Variants in APBB2 observed in about 807,000 individuals in gnomAD.
The protein encoded by APBB2 is amyloid beta precursor protein binding family B member 2.
APBB2 carries 38 observed loss-of-function variants against 82.5 expected under a neutral mutation model. The ratio of observed to expected loss-of-function variants is 0.46; its 90% confidence interval spans 0.36 to 0.60. The LOEUF is 0.60. APBB2 is among the 20% of genes least tolerant of loss of function. APBB2 has a pLI of 0.00. For synonymous variants in APBB2, 341 were observed against 368.2 expected (o/e 0.93, Z 0.85); for missense variants, 772 against 972.3 (o/e 0.79, Z 2.74).
At position 41,067,894 on chromosome 4, in the gene APBB2, C is replaced by T. The variant is rs115740527; in HGVS notation, c.-148-2221G>A. Among the ~76,000 whole-genome samples, 370 of 152,210 alleles carry T rather than the reference C, an allele frequency of 2.4e-3. 4 individuals carry two copies. Among genetic ancestry groups the T allele is most frequent in the African/African-American group, 8.6e-3 (356 of 41,528 alleles). On this transcript the variant is annotated intron_variant, in intron 3 of 17. Coordinates refer to ENST00000508593, the MANE Select transcript of APBB2 (RefSeq NM_004307.2). The stretch of plus-strand genomic sequence containing the variant: ...CGTGGCTGCTGGAAGAGACTAAGTG[C>T]TCACAGCGCATGGCTACAGGCTGAA...
At chr4:40,962,967 T>G (rs1793684520) in intron 6 of APBB2, among the ~76,000 whole-genome samples, 4 of 152,256 alleles carry the variant, frequency 2.6e-5, no homozygotes, top group Admixed American at 2.6e-4. Context: ...GTTAGAGGTT[T>G]CTTATCTGCA....
At chr4:40,973,584 C>T (rs1224243575) in intron 6 of APBB2, among the ~76,000 whole-genome samples, 1 of 152,214 alleles carries the variant, frequency 6.6e-6, no homozygotes, top group Admixed American at 6.5e-5. Context: ...CAAAGTATCA[C>T]AAACTGAGTG....
chr4:40,813,161 C>T lies in APBB2; in HGVS notation c.*2931G>A, dbSNP rs1744757356. Reference sequence around the variant, plus strand: ...ACATATCCCAATAGAAATGTGACTACAAATCATTACAAAACCACTTTTTAG... The same window carrying T: ...ACATATCCCAATAGAAATGTGACTATAAATCATTACAAAACCACTTTTTAG... On this transcript the variant is annotated 3_prime_UTR_variant, in exon 18 of 18. Transcript: ENST00000508593. 1.3e-5 allele frequency: 2 copies of T among 152,200 alleles called. No individual in the cohort carries two copies. The highest frequency in any genetic ancestry group is 2.9e-5 in the Non-Finnish European group (2 of 68,020). The allele number at this position is 152,200 out of a possible 1,614,324, so 9.4% of individuals were successfully genotyped here. A position where few individuals can be genotyped will look rare whatever the true frequency, so the allele number is the denominator to read the frequency against.
At chr4:40,909,167 T>C (rs1261386694) in intron 10 of APBB2, among the ~76,000 whole-genome samples, 2 of 152,210 alleles carry the variant, frequency 1.3e-5, no homozygotes, top group East Asian at 3.8e-4. Flanking sequence ...GCAATCACCA[T>C]TATTTGCAAT....
chr4:41,099,374 A>G (rs879153839), intron 3 of APBB2, among the ~76,000 whole-genome samples: 3 of 152,086 alleles, frequency 2.0e-5, no homozygotes, highest in Admixed American at 2.0e-4. Flanking sequence ...GATTACAGGC[A>G]TGCACCACCA....
intron 12 of APBB2, among the ~76,000 whole-genome samples, chr4:40,878,075 G>A (rs1767380093): frequency 6.7e-6 from 1 of 148,424 alleles, no homozygotes; most frequent in South Asian, 2.1e-4. Context: ...GGCCGGACTC[G>A]GTGGCTCACG....
chr4:41,182,213 A>G (rs4600955), intron 1 of APBB2, among the ~76,000 whole-genome samples: 64,183 of 151,994 alleles, frequency 0.42, 14,896 homozygotes, highest in African/African-American at 0.63. Context: ...TCCTCCCATT[A>G]AGCTCACTCC....
Position 40,928,592 on chromosome 4 carries a change from TA to T in APBB2, c.1254+5863del, listed in dbSNP as rs1478994847. Among the ~76,000 whole-genome samples, 15 of 140,582 alleles carry T rather than the reference TA, an allele frequency of 1.1e-4. No individual in the cohort carries two copies. The South Asian group carries it at 3.0e-3, about 28-fold the overall frequency. The allele number at this position is 140,582 out of a possible 152,430, so 92.2% of individuals were successfully genotyped here. On this transcript the variant is annotated intron_variant, in intron 10 of 17. Coordinates refer to ENST00000508593, the MANE Select transcript of APBB2 (RefSeq NM_004307.2). ...ACACTCTGTCTCAAATAAATAATTT[TA>T]AAAAAAATGTGGCCAGGTGCAGTGG...
chr4:40,821,522 T>C (rs1313314449), intron 17 of APBB2, among the ~76,000 whole-genome samples: 1 of 152,242 alleles, frequency 6.6e-6, no homozygotes, highest in Non-Finnish European at 1.5e-5. Context: ...ATTCAATGTA[T>C]TGATTTTTAA....
At chr4:41,124,368 A>G (rs1028587004) in intron 2 of APBB2, among the ~76,000 whole-genome samples, 7 of 152,022 alleles carry the variant, frequency 4.6e-5, no homozygotes, top group Non-Finnish European at 7.4e-5. Context: ...GTAGGCGCCC[A>G]CCACCATGCC....
chr4:41,143,563 C>A (rs1167308729), intron 1 of APBB2, among the ~76,000 whole-genome samples: 1 of 152,182 alleles, frequency 6.6e-6, no homozygotes, highest in African/African-American at 2.4e-5. Context: ...AGAAAATTAA[C>A]TTGCTCAATA....
intron 2 of APBB2, among the ~76,000 whole-genome samples, chr4:41,107,630 C>G (rs1580097093): frequency 6.6e-6 from 1 of 152,224 alleles, no homozygotes; most frequent in East Asian, 1.9e-4. Flanking sequence ...AGAGTTCTGG[C>G]AGACCAGCTC....
chr4:40,939,947 T>C (rs1432015149), intron 7 of APBB2, among the ~76,000 whole-genome samples: 1 of 152,108 alleles, frequency 6.6e-6, no homozygotes, highest in Non-Finnish European at 1.5e-5. Flanking sequence ...GAAACTACAA[T>C]GTAGAGGGGG....
intron 1 of APBB2, among the ~76,000 whole-genome samples, chr4:41,181,039 T>G (rs565850520): frequency 5.9e-5 from 9 of 152,322 alleles, no homozygotes; most frequent in Admixed American, 5.9e-4. Flanking sequence ...GTGATCAAAT[T>G]TAATCCCATC....
At chr4:40,837,306 G>A (rs1754283421) in intron 12 of APBB2, among the ~76,000 whole-genome samples, 1 of 152,224 alleles carries the variant, frequency 6.6e-6, no homozygotes, top group South Asian at 2.1e-4. Context: ...AGGCACCTTT[G>A]AGGAGCCTTC....
At chr4:41,151,056 C>A (rs1184179755) in intron 1 of APBB2, among the ~76,000 whole-genome samples, 8 of 152,110 alleles carry the variant, frequency 5.3e-5, no homozygotes, top group Admixed American at 4.6e-4. Flanking sequence ...ACTTCTGTGC[C>A]CCTAACATTC....
chr4:40,993,498 C>T (rs2154414115), intron 6 of APBB2, among the ~76,000 whole-genome samples: 1 of 151,760 alleles, frequency 6.6e-6, no homozygotes, highest in Admixed American at 6.6e-5. Flanking sequence ...GATCCTCCCA[C>T]CTCAGCTTCC....
At chr4:41,167,369 G>A (rs1471672368) in intron 1 of APBB2, among the ~76,000 whole-genome samples, 1 of 152,118 alleles carries the variant, frequency 6.6e-6, no homozygotes, top group Non-Finnish European at 1.5e-5. Context: ...CTCTAAACAT[G>A]CTTTGGTCTT....
At chr4:41,004,293 CT>C (rs535304209) in intron 6 of APBB2, among the ~76,000 whole-genome samples, 1 of 152,188 alleles carries the variant, frequency 6.6e-6, no homozygotes, top group Non-Finnish European at 1.5e-5. Context: ...AACAAAACAT[CT>C]TAACATCTCC....
Sources: gnomAD v4.1 joint callset for allele counts (sites outside exome capture counted in the v4.1 genomes callset) on GRCh38, gnomAD v4.1.1 for gene constraint, MANE v1.5 for transcripts, NCBI Gene and HGNC (gene_info 2026-07-23, HGNC 2026-07-21) for gene names.